POU6F2: variants seen among roughly 807,000 people sequenced by gnomAD.
POU6F2 encodes the protein POU class 6 homeobox 2, also known as POU domain, class 6, transcription factor 2.
POU6F2 carries 31 observed loss-of-function variants against 71.3 expected under a neutral mutation model. The ratio of observed to expected loss-of-function variants is 0.43; its 90% CI spans 0.33 to 0.59. POU6F2 has a LOEUF of 0.59. Among genes scored for constraint, POU6F2 ranks in the 20% least tolerant of loss-of-function variants. The pLI, the probability that POU6F2 is intolerant of heterozygous loss-of-function variation, is 0.04. For synonymous variants in POU6F2, 347 were observed against 355.7 expected (o/e 0.98, Z 0.27); for missense variants, 783 against 856.8 (o/e 0.91, Z 1.07).
At chr7:38,992,711 G>A (rs892541978) in intron 1 of POU6F2, among the ~76,000 whole-genome samples, 1 of 151,484 alleles carries the variant, frequency 6.6e-6, no homozygotes, top group Non-Finnish European at 1.5e-5. Flanking sequence ...ATTTTTTTGC[G>A]GCAAAAACAA....
At chr7:39,279,269 C>T (rs1208909869) in intron 4 of POU6F2, among the ~76,000 whole-genome samples, 2 of 148,688 alleles carry the variant, frequency 1.3e-5, no homozygotes, top group African/African-American at 4.9e-5. Flanking sequence ...AGTTCCAAGC[C>T]CCAACACAGG....
intron 2 of POU6F2, among the ~76,000 whole-genome samples, chr7:39,197,977 A>G (rs1207800870): frequency 6.6e-6 from 1 of 152,218 alleles, no homozygotes; most frequent in Non-Finnish European, 1.5e-5. Flanking sequence ...AGCAGTACTC[A>G]AGGAATAATT....
At chr7:39,016,109 T>C (rs1584501257) in intron 1 of POU6F2, among the ~76,000 whole-genome samples, 1 of 118,404 alleles carries the variant, frequency 8.4e-6, no homozygotes, top group Non-Finnish European at 1.6e-5. Context: ...TATATATCTA[T>C]ATTATATATT....
At chr7:39,019,583 T>A (rs539819941) in intron 1 of POU6F2, among the ~76,000 whole-genome samples, 1 of 152,108 alleles carries the variant, frequency 6.6e-6, no homozygotes, top group Non-Finnish European at 1.5e-5. Context: ...CTAGAGCTAC[T>A]AGGAGACAGA....
intron 1 of POU6F2, among the ~76,000 whole-genome samples, chr7:39,035,176 A>G (rs993355527): frequency 3.9e-5 from 6 of 151,932 alleles, no homozygotes; most frequent in African/African-American, 9.7e-5. Context: ...ATTTTTTATT[A>G]TTTGCAAAGC....
chr7:39,438,188 A>C (rs1259188823), intron 7 of POU6F2, among the ~76,000 whole-genome samples: 1 of 136,902 alleles, frequency 7.3e-6, no homozygotes, highest in Non-Finnish European at 1.5e-5. Flanking sequence ...GAGTAAGAAC[A>C]TGCGATGTTT....
intron 2 of POU6F2, among the ~76,000 whole-genome samples, chr7:39,161,372 CTTT>C (rs1792994540): frequency 6.6e-6 from 1 of 152,168 alleles, no homozygotes; most frequent in African/African-American, 2.4e-5. Flanking sequence ...AAGTATATTT[CTTT>C]GTTCTAACTT....
intron 5 of POU6F2, among the ~76,000 whole-genome samples, chr7:39,395,746 C>G (rs959965647): frequency 6.6e-6 from 1 of 152,188 alleles, no homozygotes. Flanking sequence ...CACCTATTGT[C>G]CCTTGTAAGA....
At chr7:39,260,626 C>T (rs1009640259) in intron 4 of POU6F2, among the ~76,000 whole-genome samples, 2 of 151,060 alleles carry the variant, frequency 1.3e-5, no homozygotes, top group East Asian at 3.9e-4. Flanking sequence ...ATACAGACAC[C>T]ACACACCACA....
intron 2 of POU6F2, among the ~76,000 whole-genome samples, chr7:39,136,178 T>C (rs1792384843): frequency 6.6e-6 from 1 of 152,242 alleles, no homozygotes; most frequent in South Asian, 2.1e-4. Context: ...AATTAACAAT[T>C]TTCACATAAT....
At chr7:39,142,488 G>C (rs548202090) in intron 2 of POU6F2, among the ~76,000 whole-genome samples, 3 of 152,188 alleles carry the variant, frequency 2.0e-5, no homozygotes, top group East Asian at 3.9e-4. Context: ...AATTCACTTT[G>C]GTAACTAATG....
intron 4 of POU6F2, among the ~76,000 whole-genome samples, chr7:39,312,172 C>T (rs1349668864): frequency 2.3e-5 from 3 of 128,362 alleles, no homozygotes; most frequent in Middle Eastern, 3.8e-3. Context: ...AGAGAATGGA[C>T]GATGTAGTAG....
chr7:39,120,149 T>G (rs1235326225), intron 2 of POU6F2, among the ~76,000 whole-genome samples: 2 of 152,202 alleles, frequency 1.3e-5, no homozygotes, highest in African/African-American at 2.4e-5. Flanking sequence ...CAGTTCTATA[T>G]TATACTTCAT....
chr7:39,315,556 C>T (rs1324384762), intron 4 of POU6F2, among the ~76,000 whole-genome samples: 2 of 152,202 alleles, frequency 1.3e-5, no homozygotes, highest in Non-Finnish European at 2.9e-5. Flanking sequence ...TCTCCTCCAT[C>T]CTCCGGCAGG....
chr7:39,197,174 C>T (rs974812270), intron 2 of POU6F2, among the ~76,000 whole-genome samples: 4 of 152,228 alleles, frequency 2.6e-5, no homozygotes, highest in African/African-American at 4.8e-5. Context: ...GCTGCCCACT[C>T]TCTGCCCCTG....
chr7:39,071,136 C>T (rs1286290175), intron 1 of POU6F2, among the ~76,000 whole-genome samples: 1 of 151,982 alleles, frequency 6.6e-6, no homozygotes, highest in Admixed American at 6.5e-5. Flanking sequence ...AATATAGAAT[C>T]AGTGGGAGCC....
At chr7:39,384,157 TG>T (rs1786887254) in intron 5 of POU6F2, among the ~76,000 whole-genome samples, 1 of 152,182 alleles carries the variant, frequency 6.6e-6, no homozygotes, top group Non-Finnish European at 1.5e-5. Context: ...CCAGCCCCAG[TG>T]GTTCTCATTT....
Position 39,227,027 on chromosome 7 carries a change from G to A in POU6F2, c.598+19407G>A, listed in dbSNP as rs551068050. Among the ~76,000 whole-genome samples the A allele has an allele frequency of 3.9e-5, 6 of 152,212 alleles. No homozygotes were observed. In the South Asian group the frequency reaches 1.2e-3, roughly 32 times the overall value. On this transcript the variant is annotated intron_variant, in intron 4 of 9. Coordinates refer to ENST00000518318, the MANE Select transcript of POU6F2 (RefSeq NM_001370959.1). The stretch of plus-strand genomic sequence containing the variant: ...GATAAAATGTAAATACTTTGACCTT[G>A]TACTAAAGCATAAGCTGTGAAATTA...
chr7:39,017,271 A>G (rs1475087786), intron 1 of POU6F2, among the ~76,000 whole-genome samples: 4 of 152,160 alleles, frequency 2.6e-5, no homozygotes, highest in Non-Finnish European at 5.9e-5. Flanking sequence ...TTACCTAACA[A>G]TGAGCAAAAT....
Sources: gnomAD v4.1 joint callset for allele counts (sites outside exome capture counted in the v4.1 genomes callset) on GRCh38, gnomAD v4.1.1 for gene constraint, MANE v1.5 for transcripts, NCBI Gene and HGNC (gene_info 2026-07-23, HGNC 2026-07-21) for gene names.